Variants in DMD observed in about 807,000 individuals in gnomAD.
DMD encodes dystrophin, also known as mutant dystrophin.
A neutral mutation model predicts 330.1 loss-of-function variants in DMD; 63 were observed. The ratio of observed to expected loss-of-function variants is 0.19; its 90% CI spans 0.16 to 0.24. The LOEUF (loss-of-function observed/expected upper bound fraction) is 0.24, where lower values mean the gene tolerates loss of function less well. Among genes scored for constraint, DMD ranks in the 10% least tolerant of loss-of-function variants. The pLI is 1.00. For synonymous variants in DMD, 1,223 were observed against 959.8 expected (o/e 1.27, Z -5.07); for missense variants, 3,344 against 2,684.1 (o/e 1.25, Z -5.43).
chrX:31,308,731 AT>A (rs577265293), intron 62 of DMD, among the ~76,000 whole-genome samples: 1 of 106,410 alleles, frequency 9.4e-6, no homozygotes, highest in Non-Finnish European at 1.9e-5. Flanking sequence ...TTTGTGTGTG[AT>A]TTTTTTTTTC....
At chrX:32,582,046 A>G (rs887335163) in intron 13 of DMD, among the ~76,000 whole-genome samples, 32 of 111,924 alleles carry the variant, frequency 2.9e-4, no homozygotes, top group Admixed American at 2.9e-4. Flanking sequence ...GGTATCTACA[A>G]CAAACCTACA....
In DMD at chrX:32,823,397, A is replaced by G. The variant is rs776542400; in HGVS notation, c.265-10T>C. 10 of 1,138,495 alleles carry G rather than the reference A, an allele frequency of 8.8e-6. No homozygotes were observed. The highest frequency in any genetic ancestry group is 1.1e-5 in the Non-Finnish European group (9 of 829,217). 93.8% of individuals were successfully genotyped at this position (1,138,495 alleles called of 1,213,427 possible). A position where few individuals can be genotyped will look rare whatever the true frequency, so the allele number is the denominator to read the frequency against. On this transcript the variant is annotated splice_polypyrimidine_tract_variant and intron_variant, in intron 4 of 78. Transcript: ENST00000357033. The stretch of plus-strand genomic sequence containing the variant: ...TATTCACTAAATCAACCTGTTAAAG[A>G]AAGGGGTAAAACATTTGAAGGTAAG...
In DMD at chrX:31,929,572, C is replaced by T. The variant is rs751055949; in HGVS notation, c.6912+24G>A. ...TACTTGCAACATTTAACACATGTGA[C>T]GGAAGAGATGGTTAATGTCTAACCT... On this transcript the variant is annotated intron_variant, in intron 47 of 78. Coordinates refer to ENST00000357033, the MANE Select transcript of DMD (RefSeq NM_004006.3). The T allele has an allele frequency of 3.1e-5, 37 of 1,205,922 alleles. No homozygotes were observed. In the South Asian group the frequency reaches 4.2e-4, roughly 14 times the overall value.
chrX:32,769,888 A>G (rs926892444), intron 7 of DMD, among the ~76,000 whole-genome samples: 2 of 111,792 alleles, frequency 1.8e-5, no homozygotes, highest in African/African-American at 6.5e-5. Context: ...AGCTTCATGG[A>G]ATAGTCATCT....
intron 55 of DMD, among the ~76,000 whole-genome samples, chrX:31,617,534 CAAAAAAAAAAA>C (rs749572753): frequency 0.026 from 843 of 32,036 alleles, 9 homozygotes; most frequent in African/African-American, 0.053. Flanking sequence ...GACTTCGTCT[CAAAAAAAAAAA>C]AAAAAAAAAA....
chrX:31,907,895 G>C (rs1267380892), intron 47 of DMD, among the ~76,000 whole-genome samples: 3 of 112,446 alleles, frequency 2.7e-5, no homozygotes, highest in Non-Finnish European at 3.8e-5. Context: ...TCATCGAAAA[G>C]TCGGCCAAGG....
chrX:33,268,814 C>G (rs1197582665), intron 1 of DMD, among the ~76,000 whole-genome samples: 7 of 106,753 alleles, frequency 6.6e-5, no homozygotes, highest in African/African-American at 2.4e-4. Context: ...GTAATCCCAG[C>G]TGCTAGGGAG....
intron 44 of DMD, chrX:32,155,479 G>A (rs781397110): frequency 5.4e-5 from 40 of 737,863 alleles, no homozygotes; most frequent in Non-Finnish European, 6.1e-5. Flanking sequence ...TGAAGAGAAA[G>A]AGCTGCTGGG....
In DMD at chrX:32,628,630, T is replaced by C. The variant is rs761121113; in HGVS notation, c.1332-14177A>G. ...TCATTCAATTATTTGAAAGTTCTTC[T>C]GCTTTTTTGATGTAGGTATTTATAC... On this transcript the variant is annotated intron_variant, in intron 11 of 78. Coordinates refer to ENST00000357033, the MANE Select transcript of DMD (RefSeq NM_004006.3). 2.0e-3 allele frequency among the ~76,000 whole-genome samples: 220 copies of C among 110,665 alleles called. 1 individual carries two copies. Among genetic ancestry groups the C allele is most frequent in the Non-Finnish European group, 3.3e-3 (172 of 52,880 alleles).
chrX:32,390,318 G>A (rs1160412078), intron 30 of DMD, 137 bp from the exon 31 acceptor site: 6 of 514,471 alleles, frequency 1.2e-5, no homozygotes, highest in Non-Finnish European at 2.0e-5. Flanking sequence ...TTGGCCAAGA[G>A]TGGTGGTTCA....
chrX:32,478,302 A>G (rs1051670208), intron 21 of DMD, among the ~76,000 whole-genome samples: 1 of 111,859 alleles, frequency 8.9e-6, no homozygotes, highest in African/African-American at 3.2e-5. Context: ...AATGACATAT[A>G]CCTACTTCGG....
chrX:32,139,874 A>C (rs1345524166), intron 44 of DMD, among the ~76,000 whole-genome samples: 1 of 112,546 alleles, frequency 8.9e-6, no homozygotes, highest in Non-Finnish European at 1.9e-5. Context: ...TAGAGAAAGA[A>C]GAGAGAAAAT....
At chrX:32,865,527 C>T (rs1175356289) in intron 2 of DMD, among the ~76,000 whole-genome samples, 1 of 111,739 alleles carries the variant, frequency 8.9e-6, no homozygotes, top group Non-Finnish European at 1.9e-5. Flanking sequence ...GAACTATAAG[C>T]CACTTCTTGG....
intron 2 of DMD, among the ~76,000 whole-genome samples, chrX:33,018,445 T>C (rs981426747): frequency 4.5e-5 from 5 of 111,929 alleles, no homozygotes; most frequent in Non-Finnish European, 9.4e-5. Flanking sequence ...GCTAACAATA[T>C]ATAAATAGAG....
intron 2 of DMD, among the ~76,000 whole-genome samples, chrX:32,884,260 G>A (rs775969299): frequency 9.9e-5 from 11 of 111,674 alleles, no homozygotes; most frequent in South Asian, 3.7e-4. Flanking sequence ...AGCAGGCCCA[G>A]TGATAATTCT....
At chrX:31,538,395 C>T in intron 55 of DMD, among the ~76,000 whole-genome samples, 1 of 112,138 alleles carries the variant, frequency 8.9e-6, no homozygotes, top group Admixed American at 9.4e-5. Flanking sequence ...CTTCCTCCCC[C>T]ACTAAACTAC....
intron 55 of DMD, among the ~76,000 whole-genome samples, chrX:31,554,108 T>C (rs2073092284): frequency 8.9e-6 from 1 of 112,475 alleles, no homozygotes; most frequent in African/African-American, 3.2e-5. Context: ...TTTGCTGACA[T>C]ATGCACTGTT....
chrX:31,384,980 C>T (rs1856651588), intron 60 of DMD, among the ~76,000 whole-genome samples: 1 of 112,377 alleles, frequency 8.9e-6, no homozygotes, highest in Non-Finnish European at 1.9e-5. Flanking sequence ...AAATGGCAAA[C>T]TTCCAAAGTC....
chrX:32,998,574 T>G (rs2147384609), intron 2 of DMD, among the ~76,000 whole-genome samples: 1 of 109,048 alleles, frequency 9.2e-6, no homozygotes, highest in East Asian at 3.0e-4. Context: ...CATTCAGATT[T>G]TAATTACTTT....
Sources: gnomAD v4.1 joint callset for allele counts (sites outside exome capture counted in the v4.1 genomes callset) on GRCh38, gnomAD v4.1.1 for gene constraint, MANE v1.5 for transcripts, NCBI Gene and HGNC (gene_info 2026-07-23, HGNC 2026-07-21) for gene names.